Variants in ANK1 observed in about 807,000 individuals in gnomAD.
ANK1 encodes ankyrin-1.
In ANK1, 51 loss-of-function variants were observed where a neutral mutation model predicts 210.4. The ratio of observed to expected loss-of-function variants is 0.24; its 90% CI spans 0.19 to 0.31. The LOEUF is 0.31. ANK1 is among the 10% of genes least tolerant of loss of function. The pLI, the probability that ANK1 is intolerant of heterozygous loss-of-function variation, is 1.00. For synonymous variants in ANK1, 967 were observed against 1,025.9 expected (o/e 0.94, Z 1.10); for missense variants, 2,051 against 2,504.4 (o/e 0.82, Z 3.86).
At chr8:41,735,596 C>A (rs576185992) in intron 2 of ANK1, among the ~76,000 whole-genome samples, 138 of 152,232 alleles carry the variant, frequency 9.1e-4, no homozygotes, top group African/African-American at 3.1e-3. Context: ...CTCCGCAGCC[C>A]CACCCTGCGT....
chr8:41,862,656 C>G (rs1379666019), intron 1 of ANK1, among the ~76,000 whole-genome samples: 1 of 88,290 alleles, frequency 1.1e-5, no homozygotes, highest in African/African-American at 5.3e-5. Context: ...AGAGGAGGCT[C>G]AGACAAAAAA....
chr8:41,757,958 A>C, intron 2 of ANK1, 78 bp downstream of exon 2: 1 of 1,298,544 alleles, frequency 7.7e-7, no homozygotes, highest in Non-Finnish European at 1.1e-6. Flanking sequence ...TAATAGAGGC[A>C]GTTTCAAAGC....
At chr8:41,696,279 G>A in intron 26 of ANK1, 84 bp downstream of exon 26, 1 of 1,487,986 alleles carries the variant, frequency 6.7e-7, no homozygotes, top group Non-Finnish European at 9.3e-7. Flanking sequence ...ACCCAGTTCT[G>A]TTTCCCCATC....
intron 1 of ANK1, among the ~76,000 whole-genome samples, chr8:41,822,095 AGAGAGAGAGAG>A (rs1563844752): frequency 3.7e-5 from 2 of 53,530 alleles, no homozygotes; most frequent in East Asian, 5.7e-4. Context: ...AGAGAGAGAG[AGAGAGAGAGAG>A]AGAGAGAGAA....
chr8:41,809,490 G>T (rs1292537080), intron 1 of ANK1, among the ~76,000 whole-genome samples: 1 of 152,132 alleles, frequency 6.6e-6, no homozygotes, highest in African/African-American at 2.4e-5. Context: ...ATTGGGGCTG[G>T]GCATGGTGGC....
At chr8:41,787,796 T>C (rs1299480834) in intron 1 of ANK1, among the ~76,000 whole-genome samples, 1 of 150,564 alleles carries the variant, frequency 6.6e-6, no homozygotes, top group East Asian at 2.0e-4. Flanking sequence ...GGTGACACAG[T>C]AAGACCCTGT....
chr8:41,863,499 CCTT>C (rs1813704194), intron 1 of ANK1, among the ~76,000 whole-genome samples: 1 of 152,164 alleles, frequency 6.6e-6, no homozygotes, highest in African/African-American at 2.4e-5. Context: ...ACTGTGTGTA[CCTT>C]GGCTGTTGTC....
rs1805325904 is a variant in ANK1 at position 41,655,413 on chromosome 8, CCAAAACCCATCCCCAGCCA to C, written c.*358_*376del. ...ACAATTTAAAAAAAAAACCCCAAAA[CCAAAACCCATCCCCAGCCA>C]CAAAAAGCCCTCATTCACTTTTGCG... On this transcript the variant is annotated 3_prime_UTR_variant, in exon 43 of 43. Transcript: ENST00000289734. 1 of 322,866 alleles carries C rather than the reference CCAAAACCCATCCCCAGCCA, an allele frequency of 3.1e-6. No homozygotes were observed. Among genetic ancestry groups the C allele is most frequent in the Non-Finnish European group, 5.7e-6 (1 of 176,626 alleles). The allele number at this position is 322,866 out of a possible 1,614,324, so 20.0% of individuals were successfully genotyped here.
intron 1 of ANK1, among the ~76,000 whole-genome samples, chr8:41,783,800 C>T (rs1845803156): frequency 6.6e-6 from 1 of 152,192 alleles, no homozygotes; most frequent in Non-Finnish European, 1.5e-5. Context: ...TGGTGGCTCA[C>T]ACCTGTAATT....
chr8:41,765,175 TTTC>T (rs752307528), intron 1 of ANK1, among the ~76,000 whole-genome samples: 128 of 106,944 alleles, frequency 1.2e-3, no homozygotes, highest in Non-Finnish European at 2.1e-3. Flanking sequence ...TTTCTTTTCC[TTTC>T]TTTCTTTCTT....
rs181843391 is a variant in ANK1, at chr8:41,719,078, A to G, written c.1107+583T>C. Among the ~76,000 whole-genome samples the G allele has an allele frequency of 6.4e-4, 98 of 152,188 alleles. 2 individuals carry two copies. The highest frequency in any genetic ancestry group is 2.2e-3 in the African/African-American group (92 of 41,500). On this transcript the variant is annotated intron_variant, in intron 10 of 42. Transcript: ENST00000289734. Reference sequence around the variant, plus strand: ...TGCCTTGGGAAGAGGCAGAGAGGAGATGTGGTTACAGGCATGCTTAGTGCA... The same window carrying G: ...TGCCTTGGGAAGAGGCAGAGAGGAGGTGTGGTTACAGGCATGCTTAGTGCA...
chr8:41,728,016 AT>A lies in ANK1; in HGVS notation c.229-11del. ...GGGCCGTGTTCCCCTTCTGAAACAC[AT>A]GGGGGAAGGGAACAGAGGCGGTTTC... On this transcript the variant is annotated splice_polypyrimidine_tract_variant and intron_variant, in intron 3 of 42. Transcript: ENST00000289734. 1 of 1,613,314 alleles carries A rather than the reference AT, an allele frequency of 6.2e-7. No homozygotes were observed. Among genetic ancestry groups the A allele is most frequent in the East Asian group, 2.2e-5 (1 of 44,860 alleles).
intron 2 of ANK1, among the ~76,000 whole-genome samples, chr8:41,738,673 T>C (rs1164484943): frequency 3.3e-5 from 5 of 152,268 alleles, no homozygotes; most frequent in African/African-American, 1.2e-4. Flanking sequence ...AGAGATGAAC[T>C]GTAATTTACC....
intron 2 of ANK1, among the ~76,000 whole-genome samples, chr8:41,756,214 C>A (rs1478540255): frequency 1.3e-5 from 2 of 152,018 alleles, no homozygotes; most frequent in East Asian, 3.9e-4. Flanking sequence ...ACGACGATCT[C>A]GGCTCACTGC....
rs1819769440 is a variant in ANK1 at position 41,693,166 on chromosome 8, C to T, written c.3568G>A (p.Gly1190Arg). The change falls in exon 30 of 43, where the codon GGA (glycine) becomes AGA (arginine). Residue 1190 changes from glycine (G) to arginine (R), a missense_variant. Around this residue, in one of 6 missense-constraint regions of ANK1, gnomAD observed 1,413 missense variants for 1,707.4 expected, o/e 0.83. Transcript: ENST00000289734. ...TDQAQWEDIT[G>R]TTKLVYANEC... ...TTGGCATATACAAGTTTGGTGGTTC[C>T]TGTTATGTCTTCCCACTGGGCTTGG... The T allele has an allele frequency of 1.9e-6, 3 of 1,613,616 alleles. No homozygotes were observed. The highest frequency in any genetic ancestry group is 2.5e-6 in the Non-Finnish European group (3 of 1,179,540).
Position 41,693,303 on chromosome 8 carries a change from A to C in ANK1, c.3533-102T>G, listed in dbSNP as rs982029631. 9 of 1,094,670 alleles carry C rather than the reference A, an allele frequency of 8.2e-6. No homozygotes were observed. In the African/African-American group the frequency reaches 9.3e-5, roughly 11 times the overall value. The allele number at this position is 1,094,670 out of a possible 1,614,324, so 67.8% of individuals were successfully genotyped here. On this transcript the variant is annotated intron_variant, in intron 29 of 42. Coordinates refer to ENST00000289734, the MANE Select transcript of ANK1 (RefSeq NM_000037.4). ...TGGTGTGCAAGGTGAGACTGGGTGA[A>C]GCTCACTTTGTCTGCAGCCCTGGGC... is the stretch of plus-strand genomic sequence containing the variant.
chr8:41,659,704 C>G (rs1475730756), intron 42 of ANK1, among the ~76,000 whole-genome samples: 31 of 149,422 alleles, frequency 2.1e-4, no homozygotes, highest in Non-Finnish European at 1.5e-4. Context: ...CACCGCCCCA[C>G]CCCCCTGCCA....
At position 41,725,845 on chromosome 8, in the gene ANK1, G is replaced by A. The variant is rs544906793; in HGVS notation, c.528C>T (p.Ala176=). 52 of 1,611,980 alleles carry A rather than the reference G, an allele frequency of 3.2e-5. 1 individual carries two copies. In the Admixed American group the frequency reaches 8.5e-4, roughly 26 times the overall value. The change falls in exon 6 of 43, where the codon GCC becomes GCT. Residue 176 remains alanine, a synonymous_variant. Coordinates refer to ENST00000289734, the MANE Select transcript of ANK1 (RefSeq NM_000037.4). Reference sequence around the variant, plus strand: ...CGTCGTTGCGGGCCGCGATGTGCAGGGCCGGGAGGCGCACCTTCCCCTTGG... The same window carrying A: ...CGTCGTTGCGGGCCGCGATGTGCAGAGCCGGGAGGCGCACCTTCCCCTTGG... ...YGTKGKVRLP[A]LHIAARNDDT... is the part of the protein sequence containing the mutation.
chr8:41,789,921 G>A (rs1037529544), intron 1 of ANK1, among the ~76,000 whole-genome samples: 1 of 152,300 alleles, frequency 6.6e-6, no homozygotes, highest in Admixed American at 6.5e-5. Context: ...AGAAAGGCAA[G>A]GGATAAAACC....
Sources: gnomAD v4.1 joint callset for allele counts (sites outside exome capture counted in the v4.1 genomes callset) on GRCh38, gnomAD v4.1.1 for gene constraint, gnomAD v4.1.1 regional missense constraint, MANE v1.5 for transcripts, NCBI Gene and HGNC (gene_info 2026-07-23, HGNC 2026-07-21) for gene names.